TYK2: variants seen among roughly 807,000 people sequenced by gnomAD.
TYK2 encodes the protein tyrosine kinase 2, also known as non-receptor tyrosine-protein kinase TYK2.
In TYK2, 65 loss-of-function variants were observed where a neutral mutation model predicts 130.9. That is an observed-to-expected ratio of 0.50 (90% confidence interval 0.41 to 0.61). The LOEUF is 0.61. TYK2 is among the 20% of genes least tolerant of loss of function. The probability of loss-of-function intolerance (pLI) is 0.00; values close to 1 mark genes in which losing one functional copy is unlikely to be tolerated. For missense variants in TYK2, 1,378 were observed against 1,610.7 expected (o/e 0.86, Z 2.47); for synonymous variants, 647 against 658.9 (o/e 0.98, Z 0.28).
chr19:10,374,778 G>C (rs938039148), intron 3 of TYK2, among the ~76,000 whole-genome samples: 1 of 151,704 alleles, frequency 6.6e-6, no homozygotes, highest in Admixed American at 6.6e-5. Flanking sequence ...AGCTACTCAG[G>C]AGGCTGAGGC....
At position 10,368,154 on chromosome 19, in the gene TYK2, C is replaced by T; in HGVS notation, c.366G>A (p.Val122=). 1.2e-6 allele frequency: 2 copies of T among 1,614,122 alleles called. No homozygotes were observed. Among genetic ancestry groups the T allele is most frequent in the Non-Finnish European group, 1.7e-6 (2 of 1,180,022 alleles). The change falls in exon 5 of 25, where the codon GTG becomes GTA. Residue 122 remains valine (V), a synonymous_variant. Coordinates refer to ENST00000525621, the MANE Select transcript of TYK2 (RefSeq NM_003331.5). ...WHGMNPREPA[V]YRCGPPGTEA... Reference sequence around the variant, plus strand: ...CGGTTCCTGGGGGCCCACAACGGTACACAGCCGGTTCCCGAGGATTCATGC... The same window carrying T: ...CGGTTCCTGGGGGCCCACAACGGTATACAGCCGGTTCCCGAGGATTCATGC...
intron 17 of TYK2, chr19:10,357,413 A>C: frequency 1.5e-6 from 1 of 665,880 alleles, no homozygotes; most frequent in Non-Finnish European, 2.7e-6. Flanking sequence ...CACACTCATG[A>C]ACCTCCTTTG....
At chr19:10,351,996 C>T (rs12720328) in intron 23 of TYK2, among the ~76,000 whole-genome samples, 8,710 of 151,538 alleles carry the variant, frequency 0.057, 264 homozygotes, top group Non-Finnish European at 0.067. Flanking sequence ...CCTCGGCCTC[C>T]CAAAGTGCTG....
intron 3 of TYK2, among the ~76,000 whole-genome samples, chr19:10,377,516 G>GTGGGTGGATGGATGAATGGATGGA: frequency 1.3e-5 from 1 of 77,980 alleles, no homozygotes. Context: ...GAGTGGGTGA[G>GTGGGTGGATGGATGAATGGATGGA]TGGGTGGGTG....
rs72563149 is a variant in TYK2 at position 10,353,959 on chromosome 19, C to T, written c.2908+83G>A. ...GGTTGAGAGTCTCTAATTGGCTAGG[C>T]CAGACTGGCCCCGCCCACAAGGCCA... On this transcript the variant is annotated intron_variant, in intron 20 of 24. Transcript: ENST00000525621. The surrounding 1 kb of genome is among the most constrained non-coding windows in gnomAD (Gnocchi z 6.9). The T allele has an allele frequency of 2.0e-3, 2,875 of 1,444,628 alleles. 5 individuals carry two copies. The highest frequency in any genetic ancestry group is 2.5e-3 in the Non-Finnish European group (2,608 of 1,036,866). The allele number at this position is 1,444,628 out of a possible 1,614,324, so 89.5% of individuals were successfully genotyped here.
chr19:10,362,826 T>A (rs2041476831), intron 9 of TYK2, among the ~76,000 whole-genome samples, 169 bp from the exon 10 acceptor site: 1 of 152,130 alleles, frequency 6.6e-6, no homozygotes, highest in African/African-American at 2.4e-5. Context: ...GCCACTTACA[T>A]GGAGACACAA....
chr19:10,365,668 T>G lies in TYK2; in HGVS notation c.860A>C (p.Glu287Ala). Residue 287 changes from glutamate (E) to alanine (A), a missense_variant, in exon 7 of 25, where the codon GAG becomes GCG. Physicochemically the swap from Glu to Ala is moderately radical, Grantham distance 107. Transcript: ENST00000525621. ...GTCCCGGATGTAGCAGGGCTCCCCC[T>G]CGGCCTGGGCCAGCAGCCTCAGGTG... The part of the protein sequence containing the change: ...VCHLRLLAQA[E>A]GEPCYIRDSG... 1 of 1,613,398 alleles carries G rather than the reference T, an allele frequency of 6.2e-7. No homozygotes were observed. The highest frequency in any genetic ancestry group is 1.6e-4 in the Middle Eastern group (1 of 6,062).
rs201917359 is a variant in TYK2, at chr19:10,365,837, G to A, written c.691C>T (p.Arg231Trp). The A allele has an allele frequency of 2.0e-4, 321 of 1,612,390 alleles. 2 individuals are homozygous for A. In the East Asian group the frequency reaches 6.6e-3, roughly 33 times the overall value. ...CGGAAGACGTTCCGAAGGCGCAGCC[G>A]GGTCAGGGCGCTGTGCTGCCGGATA... Reference protein sequence around the residue: ...RHIRQHSALTRLRLRNVFRRF... With the variant: ...RHIRQHSALTWLRLRNVFRRF... The change falls in exon 7 of 25, where the codon CGG becomes TGG. Residue 231 changes from arginine to tryptophan, a missense_variant. Transcript: ENST00000525621.
chr19:10,366,651 C>A, intron 5 of TYK2, 71 bp from the exon 6 acceptor site: 1 of 1,567,162 alleles, frequency 6.4e-7, no homozygotes, highest in Non-Finnish European at 8.8e-7. Flanking sequence ...GGTATCCAAT[C>A]TTCTGGCTAC....
rs757712823 is a variant in TYK2 at position 10,366,591 on chromosome 19, GAA to G, written c.466-13_466-12del. The G allele has an allele frequency of 8.1e-6, 13 of 1,613,964 alleles. No individual in the cohort carries two copies. Among genetic ancestry groups the G allele is most frequent in the Non-Finnish European group, 1.1e-5 (13 of 1,180,030 alleles). On this transcript the variant is annotated splice_polypyrimidine_tract_variant and intron_variant, in intron 5 of 24. Coordinates refer to ENST00000525621, the MANE Select transcript of TYK2 (RefSeq NM_003331.5). The stretch of plus-strand genomic sequence containing the variant: ...AAACTCATGCTTGCCCTGGGAACAG[GAA>G]ATTGAGCAGAAAGGGAGGTGTGAGA...
rs967564337 is a variant in TYK2 at position 10,379,759 on chromosome 19, A to G, written c.-165T>C. Reference sequence around the variant, plus strand: ...GTAATGTTTCAATATAGTTCCGCATATTACACATTCAGCACAGACCCTGAT... The same window carrying G: ...GTAATGTTTCAATATAGTTCCGCATGTTACACATTCAGCACAGACCCTGAT... On this transcript the variant is annotated 5_prime_UTR_variant, in exon 2 of 25. Coordinates refer to ENST00000525621, the MANE Select transcript of TYK2 (RefSeq NM_003331.5). The G allele has an allele frequency of 2.6e-5, 4 of 152,298 alleles. No homozygotes were observed. The highest frequency in any genetic ancestry group is 9.7e-5 in the African/African-American group (4 of 41,444). The allele number at this position is 152,298 out of a possible 1,614,324, so 9.4% of individuals were successfully genotyped here.
Position 10,361,918 on chromosome 19 carries a change from T to A in TYK2, c.1811A>T (p.Tyr604Phe), listed in dbSNP as rs1319678038. Residue 604 changes from tyrosine to phenylalanine, a missense_variant, in exon 13 of 25, where the codon TAT (tyrosine) becomes TTT (phenylalanine). Transcript: ENST00000525621. The surrounding 1 kb of genome is among the most constrained non-coding windows in gnomAD (Gnocchi z 4.0). The part of the protein sequence containing the change: ...HLGQGTRTNV[Y>F]EGRLRVEGSG... ...GCCCTCCACTCGCAGGCGGCCCTCA[T>A]ACACGTTGGTCCTTGTGCCCTGGCC... The A allele has an allele frequency of 4.3e-6, 7 of 1,613,946 alleles. No individual in the cohort carries two copies. The highest frequency in any genetic ancestry group is 2.2e-5 in the East Asian group (1 of 44,894).
intron 18 of TYK2, 34 bp downstream of exon 18, chr19:10,356,534 T>C (rs751318459): frequency 4.7e-5 from 75 of 1,610,838 alleles, no homozygotes; most frequent in Non-Finnish European, 5.4e-5. Context: ...CCCGTCCCAC[T>C]TCCCCAGGGT....
At chr19:10,375,319 TAGAA>T (rs2145337399) in intron 3 of TYK2, among the ~76,000 whole-genome samples, 1 of 152,230 alleles carries the variant, frequency 6.6e-6, no homozygotes, top group South Asian at 2.1e-4. Context: ...AAAGCCGCCT[TAGAA>T]AGGCCTTTCC....
In TYK2 at chr19:10,366,485, G is replaced by A. The variant is rs770387535; in HGVS notation, c.561C>T (p.Ala187=). 40 of 1,613,964 alleles carry A rather than the reference G, an allele frequency of 2.5e-5. 1 individual carries two copies. The South Asian group carries it at 4.4e-4, about 18-fold the overall frequency. The change falls in exon 6 of 25, where the codon GCC becomes GCT. Residue 187 remains alanine (A), a synonymous_variant. Coordinates refer to ENST00000525621, the MANE Select transcript of TYK2 (RefSeq NM_003331.5). The stretch of plus-strand genomic sequence containing the variant: ...GAGCGAGGTGACAGAGGTGCAGAAA[G>A]GCCATGCCCAGGCTCTCATTCTTAA... The part of the protein sequence containing the change: ...HHFKNESLGM[A]FLHLCHLALR...
chr19:10,362,714 C>T, intron 9 of TYK2, 57 bp from the exon 10 acceptor site: 1 of 1,453,028 alleles, frequency 6.9e-7, no homozygotes, highest in Admixed American at 2.0e-5. Context: ...GGACCCATAC[C>T]CGGGAACAAT....
chr19:10,361,468 G>A lies in TYK2; in HGVS notation c.2047+43C>T. 1 of 1,536,220 alleles carries A rather than the reference G, an allele frequency of 6.5e-7. No individual in the cohort carries two copies. Among genetic ancestry groups the A allele is most frequent in the Admixed American group, 2.0e-5 (1 of 50,936 alleles). On this transcript the variant is annotated intron_variant, in intron 14 of 24. Coordinates refer to ENST00000525621, the MANE Select transcript of TYK2 (RefSeq NM_003331.5). The surrounding 1 kb of genome is among the most constrained non-coding windows in gnomAD (Gnocchi z 4.0). ...GATCAGGGAGTGGGTATAAGTCAGGGGTGGCCTGCCAAAGGGGGATGGGTA... is the reference window on the plus strand; with the variant it reads ...GATCAGGGAGTGGGTATAAGTCAGGAGTGGCCTGCCAAAGGGGGATGGGTA...
rs766254976 is a variant in TYK2, at chr19:10,378,195, G to A, written c.193+19C>T. The A allele has an allele frequency of 1.2e-6, 2 of 1,611,994 alleles. No homozygotes were observed. The highest frequency in any genetic ancestry group is 1.7e-6 in the Non-Finnish European group (2 of 1,179,588). On this transcript the variant is annotated intron_variant, in intron 3 of 24. Coordinates refer to ENST00000525621, the MANE Select transcript of TYK2 (RefSeq NM_003331.5). Reference sequence around the variant, plus strand: ...GCACACCCACCCCAGTCCCCATGGTGCCAACGCCCCAGACTCACCAACTTT... The same window carrying A: ...GCACACCCACCCCAGTCCCCATGGTACCAACGCCCCAGACTCACCAACTTT...
chr19:10,376,010 T>TC (rs1248891224), intron 3 of TYK2, among the ~76,000 whole-genome samples: 2 of 149,124 alleles, frequency 1.3e-5, no homozygotes, highest in East Asian at 1.9e-4. Context: ...TTTCTTTCTT[T>TC]TTTTTTTTTT....
Sources: gnomAD v4.1 joint callset for allele counts (sites outside exome capture counted in the v4.1 genomes callset) on GRCh38, gnomAD v4.1.1 for gene constraint, Gnocchi (gnomAD v3.1) non-coding constraint, MANE v1.5 for transcripts, NCBI Gene and HGNC (gene_info 2026-07-23, HGNC 2026-07-21) for gene names.